The following SPRY4 variants were observed in gnomAD, a reference collection of about 807,000 sequenced individuals.
SPRY4 encodes protein sprouty homolog 4.
Under a neutral mutation model 17.0 loss-of-function variants are expected in SPRY4, and 7 were observed. The ratio of observed to expected loss-of-function variants is 0.41; its 90% CI spans 0.23 to 0.77. SPRY4 has a LOEUF of 0.77. Ranked by LOEUF, SPRY4 falls within the 30% of genes least tolerant of loss-of-function variation. The probability of loss-of-function intolerance (pLI) is 0.32; values close to 1 mark genes in which losing one functional copy is unlikely to be tolerated. For missense variants in SPRY4, 435 were observed against 419.9 expected, an observed-to-expected ratio of 1.04 and a Z score of -0.31; for synonymous variants, 183 against 174.1, an observed-to-expected ratio of 1.05 and a Z score of -0.40.
chr5:142,319,725 ACACT>A (rs754103857), intron 1 of SPRY4: 2 of 1,611,386 alleles, frequency 1.2e-6, no homozygotes, highest in Admixed American at 3.3e-5. Context: ...AGCCAGTCTG[ACACT>A]CACTGCATTT....
intron 1 of SPRY4, chr5:142,317,247 T>C (rs1718039680): frequency 1.0e-6 from 1 of 985,482 alleles, no homozygotes; most frequent in Non-Finnish European, 1.2e-6. Flanking sequence ...TGCCCACTTA[T>C]TCTCAATAGG....
At chr5:142,322,334 G>A (rs1416847159) in intron 1 of SPRY4, among the ~76,000 whole-genome samples, 1 of 152,042 alleles carries the variant, frequency 6.6e-6, no homozygotes, top group Non-Finnish European at 1.5e-5. Context: ...AGCTGGGTGT[G>A]GTGGCACACA....
chr5:142,314,952 T>C lies in SPRY4; in HGVS notation c.157A>G (p.Ile53Val). ...GTCAGGGCCAGGCTAGGGTTGTCTA[T>C]GTAGTCATTCTCCACATGGCTGGTC... ...VKTSHVENDY[I>V]DNPSLALTTG... The change falls in exon 2 of 2, where the codon ATA becomes GTA. Residue 53 changes from isoleucine (I) to valine (V), a missense_variant. Transcript: ENST00000434127. This position sits in a 1 kb window ranked among gnomAD's most constrained non-coding sequence, Gnocchi z 4.8. 1.2e-6 allele frequency: 2 copies of C among 1,614,098 alleles called. No individual in the cohort carries two copies. Among genetic ancestry groups the C allele is most frequent in the Non-Finnish European group, 1.7e-6 (2 of 1,180,024 alleles).
chr5:142,316,810 A>G (rs1289326643), intron 1 of SPRY4, among the ~76,000 whole-genome samples: 4 of 152,226 alleles, frequency 2.6e-5, no homozygotes. Flanking sequence ...TGCTAAATCC[A>G]AAAAGCATCC....
chr5:142,311,129 C>G lies in SPRY4; in HGVS notation c.*3080G>C, dbSNP rs554158619. On this transcript the variant is annotated 3_prime_UTR_variant, in exon 2 of 2. Coordinates refer to ENST00000434127, the MANE Select transcript of SPRY4 (RefSeq NM_001127496.3). The stretch of plus-strand genomic sequence containing the variant: ...CTTCCATCTCAGCTCTGAGGGGGTG[C>G]GTACCAAAGGACCAAAGGAAGGGAT... 1.3e-5 allele frequency: 2 copies of G among 152,156 alleles called. No individual in the cohort carries two copies. The allele number at this position is 152,156 out of a possible 1,614,324, so 9.4% of individuals were successfully genotyped here.
Position 142,313,836 on chromosome 5 carries a change from C to T in SPRY4, c.*373G>A, listed in dbSNP as rs909875083. On this transcript the variant is annotated 3_prime_UTR_variant, in exon 2 of 2. Coordinates refer to ENST00000434127, the MANE Select transcript of SPRY4 (RefSeq NM_001127496.3). ...ATGGAAAAGAGGAAGGGGGGGGGGG[C>T]GGAGGGAGGGAGGGAGAAGGAGGGG... 2 of 36,640 alleles carry T rather than the reference C, an allele frequency of 5.5e-5. No homozygotes were observed. Among genetic ancestry groups the T allele is most frequent in the Non-Finnish European group, 9.4e-5 (2 of 21,346 alleles). 2.3% of individuals were successfully genotyped at this position (36,640 alleles called of 1,614,324 possible).
chr5:142,314,772 C>T lies in SPRY4; in HGVS notation c.337G>A (p.Asp113Asn). Residue 113 changes from aspartate to asparagine, a missense_variant, in exon 2 of 2, where the codon GAC becomes AAC. By Grantham distance (23) the Asp-to-Asn change is conservative. Transcript: ENST00000434127. This position sits in a 1 kb window ranked among gnomAD's most constrained non-coding sequence, Gnocchi z 4.8. ...SSTSSDQRLL[D>N]HMAPPPVADQ... Reference sequence around the variant, plus strand: ...GCCACGGGTGGTGGTGCCATGTGGTCTAAGAGCCGTTGGTCAGAGGATGTG... The same window carrying T: ...GCCACGGGTGGTGGTGCCATGTGGTTTAAGAGCCGTTGGTCAGAGGATGTG... The T allele has an allele frequency of 1.2e-6, 2 of 1,602,494 alleles. No individual in the cohort carries two copies. The highest frequency in any genetic ancestry group is 1.7e-6 in the Non-Finnish European group (2 of 1,171,406).
rs1430704689 is a variant in SPRY4 at position 142,313,568 on chromosome 5, CAGA to C, written c.*638_*640del. On this transcript the variant is annotated 3_prime_UTR_variant, in exon 2 of 2. Transcript: ENST00000434127. ...AATCCATCCTGTGGCTCCGGGGAGG[CAGA>C]AGGAGGAACGAGGCTTGGACTCACT... 1 of 151,952 alleles carries C rather than the reference CAGA, an allele frequency of 6.6e-6. No homozygotes were observed. 9.4% of individuals were successfully genotyped at this position (151,952 alleles called of 1,614,324 possible). A position where few individuals can be genotyped will look rare whatever the true frequency, so the allele number is the denominator to read the frequency against.
At chr5:142,323,275 TACAGAC>T (rs1759410724) in intron 1 of SPRY4, among the ~76,000 whole-genome samples, 1 of 152,034 alleles carries the variant, frequency 6.6e-6, no homozygotes, top group African/African-American at 2.4e-5. Context: ...CTCGGTCAGC[TACAGAC>T]ACAGACGAGT....
At chr5:142,323,019 T>C (rs1489533603) in intron 1 of SPRY4, among the ~76,000 whole-genome samples, 1 of 146,148 alleles carries the variant, frequency 6.8e-6, no homozygotes, top group African/African-American at 2.5e-5. Flanking sequence ...CTGCCTCTCC[T>C]AGCTCTCCTG....
rs1332589535 is a variant in SPRY4 at position 142,314,241 on chromosome 5, C to G, written c.868G>C (p.Ala290Pro). ...SVICKAASGD[A>P]KTSRPDKPF ...GGCTTGTCGGGCCTGCTGGTCTTGGCATCCCCGCTGGCTGCTTTGCAGATG... is the reference window on the plus strand; with the variant it reads ...GGCTTGTCGGGCCTGCTGGTCTTGGGATCCCCGCTGGCTGCTTTGCAGATG... Residue 290 changes from alanine (A) to proline (P), a missense_variant, in exon 2 of 2, where the codon GCC becomes CCC. Transcript: ENST00000434127. This position sits in a 1 kb window ranked among gnomAD's most constrained non-coding sequence, Gnocchi z 4.8. The G allele has an allele frequency of 1.2e-6, 2 of 1,611,168 alleles. No homozygotes were observed. Among genetic ancestry groups the G allele is most frequent in the Admixed American group, 3.3e-5 (2 of 59,972 alleles).
rs1443114965 is a variant in SPRY4, at chr5:142,315,053, T to C, written c.56A>G (p.Gln19Arg). Reference protein sequence around the residue: ...APLTPNSVMVQPLLDSRMSHS... With the variant: ...APLTPNSVMVRPLLDSRMSHS... Reference sequence around the variant, plus strand: ...GGACATCCGGCTGTCAAGAAGGGGCTGGACCATGACTGAGTTGGGAGTCAA... The same window carrying C: ...GGACATCCGGCTGTCAAGAAGGGGCCGGACCATGACTGAGTTGGGAGTCAA... The change falls in exon 2 of 2, where the codon CAG becomes CGG. Residue 19 changes from glutamine (Q) to arginine (R), a missense_variant. Transcript: ENST00000434127. The C allele has an allele frequency of 6.2e-7, 1 of 1,612,978 alleles. No homozygotes were observed. The highest frequency in any genetic ancestry group is 1.1e-5 in the South Asian group (1 of 91,040).
rs756181404 is a variant in SPRY4 at position 142,319,756 on chromosome 5, G to A, written c.-47-4601C>T. 4.3e-6 allele frequency: 7 copies of A among 1,612,648 alleles called. No homozygotes were observed. The South Asian group carries it at 6.6e-5, about 15-fold the overall frequency. On this transcript the variant is annotated intron_variant, in intron 1 of 1. Coordinates refer to ENST00000434127, the MANE Select transcript of SPRY4 (RefSeq NM_001127496.3). ...ACTGCATTTGTACCTGTGGGGAGGG[G>A]GCTGAGCATCAGGCTGCAAACCGCT...
intron 1 of SPRY4, 64 bp downstream of exon 1, chr5:142,324,780 G>C (rs1453817734): frequency 6.5e-6 from 1 of 152,788 alleles, no homozygotes; most frequent in Non-Finnish European, 1.5e-5. Context: ...CCAGCCCAAG[G>C]GGGGAGTCGC....
intron 1 of SPRY4, among the ~76,000 whole-genome samples, chr5:142,319,124 T>A (rs897341559): frequency 6.6e-6 from 1 of 152,140 alleles, no homozygotes; most frequent in African/African-American, 2.4e-5. Flanking sequence ...ACAAAAGCCC[T>A]CCATAACCTC....
At position 142,324,895 on chromosome 5, in the gene SPRY4, A is replaced by T. The variant is rs536454328; in HGVS notation, c.-99T>A. 2 of 152,776 alleles carry T rather than the reference A, an allele frequency of 1.3e-5. No homozygotes were observed. Among genetic ancestry groups the T allele is most frequent in the Admixed American group, 1.3e-4 (2 of 15,304 alleles). 9.5% of individuals were successfully genotyped at this position (152,776 alleles called of 1,614,324 possible). A position where few individuals can be genotyped will look rare whatever the true frequency, so the allele number is the denominator to read the frequency against. On this transcript the variant is annotated 5_prime_UTR_variant, in exon 1 of 2. Coordinates refer to ENST00000434127, the MANE Select transcript of SPRY4 (RefSeq NM_001127496.3). ...TCGCCCCACGTCTGTGTAAATCCTGAAGCCGGGGCAGGTTAGCCGCCGCTG... is the reference window on the plus strand; with the variant it reads ...TCGCCCCACGTCTGTGTAAATCCTGTAGCCGGGGCAGGTTAGCCGCCGCTG...
intron 1 of SPRY4, chr5:142,317,787 G>C: frequency 1.0e-6 from 1 of 985,298 alleles, no homozygotes. Context: ...GGGAGCAGCC[G>C]CTGCAGGCAA....
At chr5:142,320,408 G>A (rs959375882) in intron 1 of SPRY4, among the ~76,000 whole-genome samples, 1 of 151,758 alleles carries the variant, frequency 6.6e-6, no homozygotes, top group African/African-American at 2.4e-5. Context: ...AAAAAAAACG[G>A]TTGTTTTTCA....
rs1406256442 is a variant in SPRY4 at position 142,314,186 on chromosome 5, C to T, written c.*23G>A. 1 of 1,586,950 alleles carries T rather than the reference C, an allele frequency of 6.3e-7. No individual in the cohort carries two copies. Among genetic ancestry groups the T allele is most frequent in the Admixed American group, 1.7e-5 (1 of 59,300 alleles). ...AAGAGAACCAGGTTTCCAGGCAGAG[C>T]ACTGGGGCTTCGACACAAACTGTCA... On this transcript the variant is annotated 3_prime_UTR_variant, in exon 2 of 2. Coordinates refer to ENST00000434127, the MANE Select transcript of SPRY4 (RefSeq NM_001127496.3). The surrounding 1 kb of genome is among the most constrained non-coding windows in gnomAD (Gnocchi z 4.8).
Sources: allele counts gnomAD v4.1 joint callset (sites outside exome capture counted in the v4.1 genomes callset), GRCh38; gene constraint gnomAD v4.1.1; non-coding constraint Gnocchi (gnomAD v3.1); transcripts MANE v1.5; gene names NCBI Gene and HGNC (gene_info 2026-07-23, HGNC 2026-07-21).